The following ENOX1 variants were observed in gnomAD, a reference collection of about 807,000 sequenced individuals.
ENOX1 encodes the protein candidate growth-related and time keeping constitutive hydroquinone (NADH) oxidase.
A neutral mutation model predicts 82.5 loss-of-function variants in ENOX1; 42 were observed. That is an observed-to-expected ratio of 0.51 (90% confidence interval 0.40 to 0.66). The LOEUF (loss-of-function observed/expected upper bound fraction) is 0.66, where lower values mean the gene tolerates loss of function less well. Among genes scored for constraint, ENOX1 ranks in the 30% least tolerant of loss-of-function variants. The pLI, the probability that ENOX1 is intolerant of heterozygous loss-of-function variation, is 0.00. For missense variants in ENOX1, 608 were observed against 811.6 expected, an observed-to-expected ratio of 0.75 and a Z score of 3.05; for synonymous variants, 271 against 282.2, an observed-to-expected ratio of 0.96 and a Z score of 0.40.
At chr13:43,533,391 T>A (rs2078315781) in intron 2 of ENOX1, among the ~76,000 whole-genome samples, 1 of 152,184 alleles carries the variant, frequency 6.6e-6, no homozygotes, top group Non-Finnish European at 1.5e-5. Context: ...TGGAATACAA[T>A]TTATTTCAAT....
intron 9 of ENOX1, among the ~76,000 whole-genome samples, chr13:43,331,687 A>G (rs2048415733): frequency 6.6e-6 from 1 of 152,192 alleles, no homozygotes; most frequent in African/African-American, 2.4e-5. Flanking sequence ...GTAGTGCTGG[A>G]ATTGGTGAGC....
intron 2 of ENOX1, among the ~76,000 whole-genome samples, chr13:43,582,737 C>A (rs2080804500): frequency 6.6e-6 from 1 of 152,068 alleles, no homozygotes; most frequent in Non-Finnish European, 1.5e-5. Flanking sequence ...CCACACCCAG[C>A]TAATTTTTAA....
At chr13:43,648,973 C>A (rs1487540560) in intron 2 of ENOX1, among the ~76,000 whole-genome samples, 2 of 152,158 alleles carry the variant, frequency 1.3e-5, no homozygotes, top group Non-Finnish European at 2.9e-5. Context: ...CAGGGTTAGA[C>A]CCAGACACAG....
At chr13:43,300,390 G>A (rs1013039485) in intron 11 of ENOX1, among the ~76,000 whole-genome samples, 3 of 152,084 alleles carry the variant, frequency 2.0e-5, no homozygotes, top group Non-Finnish European at 4.4e-5. Context: ...TAAATGAGTC[G>A]AGATGCATGA....
intron 2 of ENOX1, among the ~76,000 whole-genome samples, chr13:43,487,471 T>C (rs1266530065): frequency 6.6e-6 from 1 of 152,188 alleles, no homozygotes; most frequent in Non-Finnish European, 1.5e-5. Flanking sequence ...GGATTTGGTG[T>C]GAAAGTAGAC....
At chr13:43,365,591 A>G (rs1192613923) in intron 5 of ENOX1, among the ~76,000 whole-genome samples, 2 of 152,250 alleles carry the variant, frequency 1.3e-5, no homozygotes, top group Admixed American at 6.5e-5. Flanking sequence ...TAAAGTTTGC[A>G]GGAACATCAT....
At chr13:43,390,340 CTAA>C (rs35779249) in intron 5 of ENOX1, among the ~76,000 whole-genome samples, 77,682 of 151,730 alleles carry the variant, frequency 0.51, 24,813 homozygotes, top group Non-Finnish European at 0.73. Flanking sequence ...ATGGCTGTGT[CTAA>C]TAATAACTTC....
chr13:43,539,242 C>A (rs913344099), intron 2 of ENOX1, among the ~76,000 whole-genome samples: 1 of 152,046 alleles, frequency 6.6e-6, no homozygotes, highest in Non-Finnish European at 1.5e-5. Flanking sequence ...TTTATTTTCC[C>A]TTTTTCTAAG....
At chr13:43,369,917 G>A (rs2051109571) in intron 5 of ENOX1, among the ~76,000 whole-genome samples, 1 of 152,218 alleles carries the variant, frequency 6.6e-6, no homozygotes, top group African/African-American at 2.4e-5. Flanking sequence ...GACACATGGA[G>A]CATGTCCTCC....
At chr13:43,294,205 T>C (rs2046166720) in intron 12 of ENOX1, among the ~76,000 whole-genome samples, 1 of 152,200 alleles carries the variant, frequency 6.6e-6, no homozygotes, top group African/African-American at 2.4e-5. Flanking sequence ...AAGGAGCCCT[T>C]TGACATAATC....
intron 2 of ENOX1, among the ~76,000 whole-genome samples, chr13:43,521,512 C>T (rs2077767788): frequency 6.6e-6 from 1 of 152,114 alleles, no homozygotes; most frequent in Non-Finnish European, 1.5e-5. Flanking sequence ...GCTGCAAAGT[C>T]TCCCCTATAC....
intron 2 of ENOX1, among the ~76,000 whole-genome samples, chr13:43,564,105 A>G (rs1385223493): frequency 6.6e-6 from 1 of 152,142 alleles, no homozygotes; most frequent in East Asian, 1.9e-4. Flanking sequence ...ATGAATATTG[A>G]TGCAAAAACC....
chr13:43,298,983 G>A (rs757599943), intron 11 of ENOX1, among the ~76,000 whole-genome samples: 66 of 152,252 alleles, frequency 4.3e-4, no homozygotes, highest in Non-Finnish European at 7.4e-4. Context: ...TGAGACATGC[G>A]GCAGCATCCC....
Position 43,719,343 on chromosome 13 carries a change from A to ACACACACACACACC in ENOX1, c.-284-51800_-284-51799insGGTGTGTGTGTGTG, listed in dbSNP as rs1215069179. Among the ~76,000 whole-genome samples, 16 of 149,026 alleles carry ACACACACACACACC rather than the reference A, an allele frequency of 1.1e-4. No individual in the cohort carries two copies. In the East Asian group the frequency reaches 2.2e-3, roughly 20 times the overall value. ...CACACACACACACACACACACACAC[A>ACACACACACACACC]CACACCAGCAATCGCACATTCAAGG... is the stretch of plus-strand genomic sequence containing the variant. On this transcript the variant is annotated intron_variant, in intron 1 of 16. Transcript: ENST00000690772.
chr13:43,582,227 C>T (rs2080777795), intron 2 of ENOX1, among the ~76,000 whole-genome samples: 1 of 151,676 alleles, frequency 6.6e-6, no homozygotes, highest in African/African-American at 2.4e-5. Flanking sequence ...AAATTAATAA[C>T]ATGCAGAAAA....
rs531321503 is a variant in ENOX1, at chr13:43,494,770, AC to A, written c.-218-10619del. On this transcript the variant is annotated intron_variant, in intron 2 of 16. Transcript: ENST00000690772. Reference sequence around the variant, plus strand: ...CAATTAAAAGTGTTTTTGAAGATGAACGTGGCATCAAAGTTTAGAATAGGAA... The same window carrying A: ...CAATTAAAAGTGTTTTTGAAGATGAAGTGGCATCAAAGTTTAGAATAGGAA... Among the ~76,000 whole-genome samples, 18 of 152,304 alleles carry A rather than the reference AC, an allele frequency of 1.2e-4. No individual in the cohort carries two copies. In the South Asian group the frequency reaches 3.3e-3, roughly 28 times the overall value.
intron 16 of ENOX1, among the ~76,000 whole-genome samples, chr13:43,216,839 C>A (rs568120706): frequency 2.0e-5 from 3 of 152,146 alleles, no homozygotes; most frequent in Non-Finnish European, 2.9e-5. Context: ...TTAAATATAA[C>A]GTGTAGGAGG....
intron 2 of ENOX1, among the ~76,000 whole-genome samples, chr13:43,631,731 G>A (rs1448280475): frequency 1.3e-5 from 2 of 151,772 alleles, no homozygotes; most frequent in African/African-American, 4.8e-5. Context: ...TTTTTCTTTG[G>A]CTAAAATTTA....
At chr13:43,465,366 T>C (rs2057672132) in intron 3 of ENOX1, among the ~76,000 whole-genome samples, 1 of 152,242 alleles carries the variant, frequency 6.6e-6, no homozygotes, top group South Asian at 2.1e-4. Context: ...GCTCAAATTG[T>C]TCCAGCTTTG....
Sources: gnomAD v4.1 joint callset for allele counts (sites outside exome capture counted in the v4.1 genomes callset) on GRCh38, gnomAD v4.1.1 for gene constraint, MANE v1.5 for transcripts, NCBI Gene and HGNC (gene_info 2026-07-23, HGNC 2026-07-21) for gene names.